The following AUTS2 variants were observed in gnomAD, a reference collection of about 807,000 sequenced individuals.
AUTS2 encodes the protein autism susceptibility gene 2 protein.
A neutral mutation model predicts 112.4 loss-of-function variants in AUTS2; 17 were observed. That is an observed-to-expected ratio of 0.15 (90% CI 0.10 to 0.23). AUTS2 has a LOEUF of 0.23. AUTS2 is among the 10% of genes least tolerant of loss of function. The probability of loss-of-function intolerance (pLI) is 1.00; values close to 1 mark genes in which losing one functional copy is unlikely to be tolerated. For synonymous variants in AUTS2, 751 were observed against 702.7 expected, an observed-to-expected ratio of 1.07 and a Z score of -1.09; for missense variants, 1,510 against 1,701.6, an observed-to-expected ratio of 0.89 and a Z score of 1.98.
intron 4 of AUTS2, among the ~76,000 whole-genome samples, chr7:70,252,501 C>T (rs1000059182): frequency 6.6e-6 from 1 of 152,092 alleles, no homozygotes; most frequent in Non-Finnish European, 1.5e-5. Flanking sequence ...TGGATATTAA[C>T]CCCATATTAA....
chr7:70,453,142 G>C (rs914167061), intron 5 of AUTS2, among the ~76,000 whole-genome samples: 2 of 152,136 alleles, frequency 1.3e-5, no homozygotes, highest in Non-Finnish European at 2.9e-5. Flanking sequence ...GTGTGCTTCA[G>C]GATAAGGGCA....
rs184964376 is a variant in AUTS2, at chr7:70,595,539, G to C, written c.691-103030G>C. ...TCCTGGGAATGCCCCTGAGGGTGGA[G>C]CTCTCTGTAAGGAAGGCAGCCCCAA... is the stretch of plus-strand genomic sequence containing the variant. On this transcript the variant is annotated intron_variant, in intron 5 of 18. Coordinates refer to ENST00000342771, the MANE Select transcript of AUTS2 (RefSeq NM_015570.4). Among the ~76,000 whole-genome samples the C allele has an allele frequency of 3.7e-3, 556 of 151,944 alleles. 4 individuals carry two copies. Among genetic ancestry groups the C allele is most frequent in the African/African-American group, 0.013 (537 of 41,372 alleles).
At chr7:70,158,446 G>A (rs1807899709) in intron 4 of AUTS2, among the ~76,000 whole-genome samples, 1 of 152,200 alleles carries the variant, frequency 6.6e-6, no homozygotes, top group Admixed American at 6.5e-5. Context: ...AGTCAATGTG[G>A]CAGTGATTTA....
chr7:69,684,886 T>C (rs1430992330), intron 1 of AUTS2, among the ~76,000 whole-genome samples: 1 of 152,146 alleles, frequency 6.6e-6, no homozygotes, highest in Admixed American at 6.5e-5. Flanking sequence ...AGGGGAGTGG[T>C]TTTTCTGTAA....
At chr7:70,458,101 C>T (rs1318100780) in intron 5 of AUTS2, among the ~76,000 whole-genome samples, 1 of 152,076 alleles carries the variant, frequency 6.6e-6, no homozygotes, top group Non-Finnish European at 1.5e-5. Context: ...CACATTCTTC[C>T]AGACTGTGTC....
intron 5 of AUTS2, among the ~76,000 whole-genome samples, chr7:70,556,735 C>T (rs994699803): frequency 6.6e-6 from 1 of 152,168 alleles, no homozygotes; most frequent in South Asian, 2.1e-4. Context: ...TGATAACCAC[C>T]CAGTTTTCTG....
chr7:70,718,502 A>G (rs1810496174), intron 6 of AUTS2, among the ~76,000 whole-genome samples: 1 of 152,160 alleles, frequency 6.6e-6, no homozygotes, highest in African/African-American at 2.4e-5. Context: ...GTCTCTACAA[A>G]AATACAAAAT....
chr7:70,735,112 T>C (rs1343277067), intron 6 of AUTS2, among the ~76,000 whole-genome samples: 1 of 152,218 alleles, frequency 6.6e-6, no homozygotes, highest in Non-Finnish European at 1.5e-5. Flanking sequence ...CATTTCATAT[T>C]CTCACAGCCT....
intron 6 of AUTS2, among the ~76,000 whole-genome samples, chr7:70,762,119 C>T (rs1290869458): frequency 6.6e-6 from 1 of 152,128 alleles, no homozygotes; most frequent in East Asian, 1.9e-4. Context: ...AAAAAACATC[C>T]GTGTGATGTT....
At chr7:70,281,063 G>T (rs1204743946) in intron 4 of AUTS2, among the ~76,000 whole-genome samples, 3 of 152,026 alleles carry the variant, frequency 2.0e-5, no homozygotes, top group Admixed American at 6.6e-5. Context: ...AAGTGATAAT[G>T]AATGAATGAA....
intron 6 of AUTS2, among the ~76,000 whole-genome samples, chr7:70,758,987 T>G (rs182235686): frequency 1.1e-4 from 17 of 152,290 alleles, no homozygotes; most frequent in Admixed American, 1.1e-3. Context: ...CAGCTCAAAC[T>G]CATCACTGCT....
chr7:69,782,946 A>G (rs1789204625), intron 1 of AUTS2, among the ~76,000 whole-genome samples: 1 of 152,106 alleles, frequency 6.6e-6, no homozygotes, highest in Admixed American at 6.6e-5. Flanking sequence ...ACATTGACTT[A>G]GATATTCTCC....
At chr7:69,640,184 AAATGTCTGCAGACTTTACTGTGATC>A (rs11267863) in intron 1 of AUTS2, among the ~76,000 whole-genome samples, 93,394 of 151,932 alleles carry the variant, frequency 0.61, 29,028 homozygotes, top group East Asian at 0.7. Flanking sequence ...AGAATTTGGA[AAATGTCTGCAGACTTTACTGTGATC>A]AGGCTGCTAG....
intron 1 of AUTS2, among the ~76,000 whole-genome samples, chr7:69,875,767 C>G (rs756955860): frequency 1.3e-5 from 2 of 152,198 alleles, no homozygotes; most frequent in Non-Finnish European, 2.9e-5. Flanking sequence ...CCCCAGGGCT[C>G]TGGAAATGGA....
At chr7:70,318,397 G>A (rs907948896) in intron 4 of AUTS2, among the ~76,000 whole-genome samples, 4 of 152,098 alleles carry the variant, frequency 2.6e-5, no homozygotes, top group African/African-American at 9.7e-5. Flanking sequence ...GACTAGACAA[G>A]AGGATCCAGG....
intron 2 of AUTS2, among the ~76,000 whole-genome samples, chr7:70,115,125 T>G (rs568505069): frequency 3.8e-4 from 58 of 152,262 alleles, no homozygotes; most frequent in Non-Finnish European, 7.4e-4. Context: ...TAGATCAACA[T>G]TTAGTCAGAT....
At chr7:69,699,573 T>A (rs1283427147) in intron 1 of AUTS2, among the ~76,000 whole-genome samples, 1 of 152,150 alleles carries the variant, frequency 6.6e-6, no homozygotes, top group African/African-American at 2.4e-5. Context: ...CATAATTTAC[T>A]TAACCTGTCT....
intron 1 of AUTS2, among the ~76,000 whole-genome samples, chr7:69,786,696 C>T (rs1326939489): frequency 1.3e-5 from 2 of 152,164 alleles, no homozygotes; most frequent in East Asian, 3.9e-4. Context: ...CAAGGTGATC[C>T]ACCCGCCTCG....
At chr7:70,086,283 T>A (rs959457780) in intron 2 of AUTS2, among the ~76,000 whole-genome samples, 2 of 152,176 alleles carry the variant, frequency 1.3e-5, no homozygotes, top group African/African-American at 2.4e-5. Context: ...CAGTATTGAG[T>A]CTTTTAACTC....
Sources: allele counts gnomAD v4.1 joint callset (sites outside exome capture counted in the v4.1 genomes callset), GRCh38; gene constraint gnomAD v4.1.1; transcripts MANE v1.5; gene names NCBI Gene and HGNC (gene_info 2026-07-23, HGNC 2026-07-21).